The following TBC1D22B variants were observed in gnomAD, a reference collection of about 807,000 sequenced individuals.
The protein encoded by TBC1D22B is TBC1 domain family member 22B, also known as chromosome 6 open reading frame 197.
A neutral mutation model predicts 69.1 loss-of-function variants in TBC1D22B; 32 were observed. The observed-to-expected ratio is 0.46, with a 90% CI of 0.35 to 0.62. The LOEUF (loss-of-function observed/expected upper bound fraction) is 0.62, where lower values mean the gene tolerates loss of function less well. Ranked by LOEUF, TBC1D22B falls within the 20% of genes least tolerant of loss-of-function variation. The pLI, the probability that TBC1D22B is intolerant of heterozygous loss-of-function variation, is 0.00. For synonymous variants in TBC1D22B, 206 were observed against 229.8 expected (o/e 0.90, Z 0.94); for missense variants, 462 against 630.9 (o/e 0.73, Z 2.87).
At chr6:37,273,989 T>C (rs1766585850) in intron 2 of TBC1D22B, among the ~76,000 whole-genome samples, 1 of 152,248 alleles carries the variant, frequency 6.6e-6, no homozygotes, top group Admixed American at 6.5e-5. Flanking sequence ...TGTCCATGTG[T>C]ATTGACTTTA....
At chr6:37,291,403 A>G (rs1030574433) in intron 8 of TBC1D22B, 46 bp downstream of exon 8, 2 of 1,340,540 alleles carry the variant, frequency 1.5e-6, no homozygotes, top group Admixed American at 2.2e-5. Context: ...GCTCTTTCTT[A>G]TCTGCCGTCT....
At chr6:37,283,904 C>G (rs1386960924) in intron 5 of TBC1D22B, among the ~76,000 whole-genome samples, 1 of 152,222 alleles carries the variant, frequency 6.6e-6, no homozygotes, top group Non-Finnish European at 1.5e-5. Context: ...CTGGCACCAA[C>G]TTACTTGGCA....
chr6:37,311,651 C>T (rs184568663), intron 8 of TBC1D22B, among the ~76,000 whole-genome samples: 28 of 151,458 alleles, frequency 1.8e-4, no homozygotes, highest in Non-Finnish European at 3.1e-4. Context: ...CCAGCCTGGG[C>T]GTCAGAGTGA....
At chr6:37,261,477 C>T (rs1406669473) in intron 1 of TBC1D22B, among the ~76,000 whole-genome samples, 1 of 151,456 alleles carries the variant, frequency 6.6e-6, no homozygotes, top group East Asian at 1.9e-4. Context: ...ATCTGACTGC[C>T]TAGGTTAAAA....
intron 8 of TBC1D22B, among the ~76,000 whole-genome samples, chr6:37,306,534 C>T (rs1236326929): frequency 6.6e-6 from 1 of 152,144 alleles, no homozygotes; most frequent in African/African-American, 2.4e-5. Flanking sequence ...TCCTTTACTC[C>T]ATAACCCAAA....
At chr6:37,264,352 G>A (rs1766202698) in intron 1 of TBC1D22B, among the ~76,000 whole-genome samples, 1 of 152,138 alleles carries the variant, frequency 6.6e-6, no homozygotes, top group African/African-American at 2.4e-5. Context: ...CACTCTTGTT[G>A]CCCTGGCTGG....
At chr6:37,289,657 A>G (rs1266915830) in intron 7 of TBC1D22B, among the ~76,000 whole-genome samples, 1 of 152,220 alleles carries the variant, frequency 6.6e-6, no homozygotes, top group East Asian at 1.9e-4. Flanking sequence ...GGAAAGACCA[A>G]CCTGGAGGAG....
intron 2 of TBC1D22B, 57 bp downstream of exon 2, chr6:37,269,707 C>A: frequency 3.3e-6 from 5 of 1,532,746 alleles, no homozygotes; most frequent in Non-Finnish European, 4.5e-6. Flanking sequence ...ATACCCTCCC[C>A]TATTTTGTTG....
At chr6:37,323,653 A>C (rs1768315459) in intron 12 of TBC1D22B, among the ~76,000 whole-genome samples, 1 of 152,196 alleles carries the variant, frequency 6.6e-6, no homozygotes, top group East Asian at 1.9e-4. Context: ...CTCAATAATA[A>C]AGTAAATGTA....
At chr6:37,275,653 T>A (rs1234767840) in intron 2 of TBC1D22B, among the ~76,000 whole-genome samples, 1 of 152,222 alleles carries the variant, frequency 6.6e-6, no homozygotes, top group African/African-American at 2.4e-5. Context: ...CATAGGATTA[T>A]TAATGGGCAT....
rs1206069526 is a variant in TBC1D22B, at chr6:37,279,394, T to C, written c.204T>C (p.Asp68=). Residue 68 remains aspartate, a synonymous_variant, in exon 3 of 13, where the codon GAT becomes GAC. Transcript: ENST00000373491. ...ATGAGTTTGCACGGAATACCAGTGA[T>C]GCTTGGGACATTGGCGATGATGAGG... ...SFHEFARNTS[D]AWDIGDDEEE... The C allele has an allele frequency of 4.3e-6, 7 of 1,614,124 alleles. No individual in the cohort carries two copies. Among genetic ancestry groups the C allele is most frequent in the African/African-American group, 1.3e-5 (1 of 74,930 alleles).
At chr6:37,276,375 A>G (rs1309289191) in intron 2 of TBC1D22B, among the ~76,000 whole-genome samples, 1 of 152,110 alleles carries the variant, frequency 6.6e-6, no homozygotes, top group Non-Finnish European at 1.5e-5. Flanking sequence ...TTTCCTCAGG[A>G]CAGAGCTGAC....
At chr6:37,316,968 A>C in intron 11 of TBC1D22B, 138 bp downstream of exon 11, 2 of 1,511,092 alleles carry the variant, frequency 1.3e-6, no homozygotes. Flanking sequence ...GCCTCAGGGC[A>C]GGGCCTTTGC....
At chr6:37,266,266 C>T (rs1053055357) in intron 1 of TBC1D22B, among the ~76,000 whole-genome samples, 2 of 152,190 alleles carry the variant, frequency 1.3e-5, no homozygotes, top group Non-Finnish European at 2.9e-5. Context: ...GGTTCCTATT[C>T]CAAACTGCTG....
intron 8 of TBC1D22B, among the ~76,000 whole-genome samples, chr6:37,294,371 G>A (rs1375100041): frequency 6.6e-6 from 1 of 152,080 alleles, no homozygotes; most frequent in African/African-American, 2.4e-5. Context: ...GGGGGTCTTG[G>A]TATGTTGCCC....
chr6:37,275,493 T>G (rs1304868479), intron 2 of TBC1D22B, among the ~76,000 whole-genome samples: 3 of 152,002 alleles, frequency 2.0e-5, no homozygotes, highest in Non-Finnish European at 2.9e-5. Context: ...TTTTAGCTGC[T>G]TTTTTCAAGG....
intron 8 of TBC1D22B, among the ~76,000 whole-genome samples, chr6:37,305,291 A>T (rs942650056): frequency 9.2e-5 from 14 of 152,194 alleles, no homozygotes; most frequent in African/African-American, 3.4e-4. Flanking sequence ...GCTTTTTAAA[A>T]TGTGAACTTC....
intron 2 of TBC1D22B, among the ~76,000 whole-genome samples, chr6:37,271,396 A>G (rs1043844349): frequency 6.6e-6 from 1 of 152,246 alleles, no homozygotes; most frequent in Admixed American, 6.5e-5. Context: ...AATGTACAAG[A>G]GTGAACCCTA....
chr6:37,279,338 C>T lies in TBC1D22B; in HGVS notation c.148C>T (p.Pro50Ser), dbSNP rs115021976. The change falls in exon 3 of 13, where the codon CCT (proline) becomes TCT (serine). Residue 50 changes from proline to serine, a missense_variant. This residue lies in a region of TBC1D22B where 237 missense variants were observed against 255.4 expected (regional missense o/e 0.93). Coordinates refer to ENST00000373491, the MANE Select transcript of TBC1D22B (RefSeq NM_017772.4). ...IKERSKVNTV[P>S]LKNKKASSFH... ...AGAACGATCAAAAGTCAACACAGTT[C>T]CTCTGAAGAATAAGAAGGCCTCCAG... The T allele has an allele frequency of 6.2e-4, 997 of 1,612,410 alleles. 1 individual carries two copies. The highest frequency in any genetic ancestry group is 8.2e-4 in the Non-Finnish European group (971 of 1,179,368).
Sources: gnomAD v4.1 joint callset for allele counts (sites outside exome capture counted in the v4.1 genomes callset) on GRCh38, gnomAD v4.1.1 for gene constraint, gnomAD v4.1.1 regional missense constraint, MANE v1.5 for transcripts, NCBI Gene and HGNC (gene_info 2026-07-23, HGNC 2026-07-21) for gene names.